ZNF365: variants seen among roughly 807,000 people sequenced by gnomAD.
ZNF365 encodes protein ZNF365.
ZNF365 carries 22 observed loss-of-function variants against 35.0 expected under a neutral mutation model. The ratio of observed to expected loss-of-function variants is 0.63; its 90% CI spans 0.45 to 0.90. The LOEUF is 0.90. Among genes scored for constraint, ZNF365 ranks in the 40% least tolerant of loss-of-function variants. The pLI is 0.00. For synonymous variants in ZNF365, 188 were observed against 196.2 expected (o/e 0.96, Z 0.35); for missense variants, 448 against 500.3 (o/e 0.90, Z 1.00).
At chr10:62,395,856 A>C (rs1234932091) in intron 3 of ZNF365, among the ~76,000 whole-genome samples, 1 of 152,210 alleles carries the variant, frequency 6.6e-6, no homozygotes, top group Non-Finnish European at 1.5e-5. Context: ...AGAGTTAGTC[A>C]AACCTGTACT....
At chr10:62,461,469 G>A (rs1840846079) in intron 4 of ZNF365, among the ~76,000 whole-genome samples, 2 of 152,318 alleles carry the variant, frequency 1.3e-5, no homozygotes, top group Non-Finnish European at 2.9e-5. Flanking sequence ...CTCCATCCCT[G>A]CTCTTCAGAT....
intron 3 of ZNF365, among the ~76,000 whole-genome samples, chr10:62,418,063 A>C (rs1840102713): frequency 6.6e-6 from 1 of 152,048 alleles, no homozygotes; most frequent in Non-Finnish European, 1.5e-5. Flanking sequence ...GAAAAATTGA[A>C]AATATAGAAA....
chr10:62,472,530 T>C (rs1433655626), intron 4 of ZNF365, among the ~76,000 whole-genome samples: 1 of 152,206 alleles, frequency 6.6e-6, no homozygotes, highest in Non-Finnish European at 1.5e-5. Flanking sequence ...TGTCATTATA[T>C]ACAAGCCAAG....
intron 3 of ZNF365, among the ~76,000 whole-genome samples, chr10:62,458,075 G>A (rs936777302): frequency 6.6e-6 from 1 of 152,170 alleles, no homozygotes; most frequent in African/African-American, 2.4e-5. Flanking sequence ...CTGTATGCAT[G>A]GGAAAAGAGG....
At chr10:62,452,801 T>G (rs1207283801) in intron 3 of ZNF365, among the ~76,000 whole-genome samples, 1 of 152,238 alleles carries the variant, frequency 6.6e-6, no homozygotes, top group Non-Finnish European at 1.5e-5. Flanking sequence ...AAAGCACTGG[T>G]CATGTTAGTA....
chr10:62,408,943 C>T (rs1463527001), intron 3 of ZNF365, among the ~76,000 whole-genome samples: 1 of 152,142 alleles, frequency 6.6e-6, no homozygotes, highest in East Asian at 1.9e-4. Flanking sequence ...CTTGGTCTTA[C>T]TTTCTCTACT....
At chr10:62,427,353 G>C (rs1840266006) in intron 3 of ZNF365, among the ~76,000 whole-genome samples, 1 of 152,170 alleles carries the variant, frequency 6.6e-6, no homozygotes, top group Non-Finnish European at 1.5e-5. Flanking sequence ...ACGGTATCCA[G>C]TATAGTAACA....
rs1470674900 is a variant in ZNF365, at chr10:62,400,763, G to A, written c.*974G>A. The A allele has an allele frequency of 5.1e-6, 5 of 985,604 alleles. No homozygotes were observed. Among genetic ancestry groups the A allele is most frequent in the Non-Finnish European group, 6.0e-6 (5 of 830,064 alleles). 61.1% of individuals were successfully genotyped at this position (985,604 alleles called of 1,614,324 possible). A position where few individuals can be genotyped will look rare whatever the true frequency, so the allele number is the denominator to read the frequency against. ...CTGCTATGGGCATGACTTTCTCTTC[G>A]CTGGCTTAACTTTTCCACTGGGTGG... is the stretch of plus-strand genomic sequence containing the variant. On this transcript the variant is annotated 3_prime_UTR_variant, in exon 5 of 5. Coordinates refer to ENST00000395254, the MANE Select transcript of ZNF365 (RefSeq NM_014951.3).
intron 3 of ZNF365, among the ~76,000 whole-genome samples, chr10:62,414,475 C>T (rs1449945726): frequency 6.6e-6 from 1 of 152,118 alleles, no homozygotes; most frequent in Non-Finnish European, 1.5e-5. Context: ...TCCCAAAGTG[C>T]TGGCAAGTGT....
rs78864773 is a variant in ZNF365, at chr10:62,479,987, A to G, written c.*91A>G. ...AGAGAAGCTTTCATTCATTCAACAA[A>G]TATTTATTAAGCATGTTTTACACTC... On this transcript the variant is annotated 3_prime_UTR_variant, in exon 5 of 5. Transcript: ENST00000395255. 5,447 of 1,584,686 alleles carry G rather than the reference A, an allele frequency of 3.4e-3. 170 individuals carry two copies. The African/African-American group carries it at 0.066, about 19-fold the overall frequency.
chr10:62,446,454 A>G (rs918687491), intron 3 of ZNF365, among the ~76,000 whole-genome samples: 3 of 152,212 alleles, frequency 2.0e-5, no homozygotes, highest in Non-Finnish European at 2.9e-5. Context: ...TACTATATGT[A>G]AAGGGAATAG....
intron 3 of ZNF365, among the ~76,000 whole-genome samples, chr10:62,431,032 T>C (rs1840326354): frequency 6.6e-6 from 1 of 152,212 alleles, no homozygotes; most frequent in Non-Finnish European, 1.5e-5. Flanking sequence ...TCTTAATGTG[T>C]TTAGCCAAAG....
intron 3 of ZNF365, among the ~76,000 whole-genome samples, chr10:62,424,623 G>A (rs1482323005): frequency 6.6e-6 from 1 of 152,128 alleles, no homozygotes; most frequent in African/African-American, 2.4e-5. Flanking sequence ...CCATTGATCA[G>A]GAATGGGATT....
intron 3 of ZNF365, among the ~76,000 whole-genome samples, chr10:62,410,995 T>C (rs939672505): frequency 6.6e-6 from 1 of 152,186 alleles, no homozygotes; most frequent in Non-Finnish European, 1.5e-5. Context: ...AGTGTATCAT[T>C]GTGGTTTTGA....
At position 62,401,247 on chromosome 10, in the gene ZNF365, T is replaced by C. The variant is rs1412759622; in HGVS notation, c.*1458T>C. ...TGGTGGGTGGTTTTTAAACTATATA[T>C]GTTTGTTCATGTAAACTGAATTCTC... On this transcript the variant is annotated 3_prime_UTR_variant, in exon 5 of 5. Coordinates refer to ENST00000395254, the MANE Select transcript of ZNF365 (RefSeq NM_014951.3). 5 of 985,386 alleles carry C rather than the reference T, an allele frequency of 5.1e-6. No individual in the cohort carries two copies. Among genetic ancestry groups the C allele is most frequent in the Non-Finnish European group, 6.0e-6 (5 of 829,790 alleles). 61.0% of individuals were successfully genotyped at this position (985,386 alleles called of 1,614,324 possible). A position where few individuals can be genotyped will look rare whatever the true frequency, so the allele number is the denominator to read the frequency against.
At chr10:62,389,485 A>G (rs1378457547) in intron 3 of ZNF365, among the ~76,000 whole-genome samples, 1 of 151,014 alleles carries the variant, frequency 6.6e-6, no homozygotes. Flanking sequence ...GGGCTCTATT[A>G]TAAGGAAAAG....
intron 3 of ZNF365, among the ~76,000 whole-genome samples, chr10:62,389,188 T>C (rs1318692489): frequency 1.3e-5 from 2 of 150,440 alleles, no homozygotes; most frequent in Non-Finnish European, 1.5e-5. Context: ...TGGATAAAGA[T>C]CCAGGTTCTC....
intron 3 of ZNF365, among the ~76,000 whole-genome samples, chr10:62,444,532 A>C (rs1327349486): frequency 6.6e-6 from 1 of 151,962 alleles, no homozygotes; most frequent in Non-Finnish European, 1.5e-5. Context: ...ATAGCCTCCT[A>C]TTGTTGCTAG....
At chr10:62,432,110 C>A (rs145557830) in intron 3 of ZNF365, among the ~76,000 whole-genome samples, 2 of 152,064 alleles carry the variant, frequency 1.3e-5, no homozygotes, top group African/African-American at 4.8e-5. Flanking sequence ...ATTTGTCTGC[C>A]ACTTGAGACT....
Sources: gnomAD v4.1 joint callset for allele counts (sites outside exome capture counted in the v4.1 genomes callset) on GRCh38, gnomAD v4.1.1 for gene constraint, MANE v1.5 for transcripts, NCBI Gene and HGNC (gene_info 2026-07-23, HGNC 2026-07-21) for gene names.